Variants in FNBP1 observed in about 807,000 individuals in gnomAD.
FNBP1 encodes the protein formin binding protein 1, also known as formin-binding protein 1.
FNBP1 carries 26 observed loss-of-function variants against 90.6 expected under a neutral mutation model. The observed-to-expected ratio is 0.29, with a 90% CI of 0.21 to 0.40. FNBP1 has a LOEUF of 0.40. FNBP1 is among the 10% of genes least tolerant of loss of function. The pLI is 1.00. For synonymous variants in FNBP1, 260 were observed against 265.2 expected (o/e 0.98, Z 0.19); for missense variants, 635 against 768.0 (o/e 0.83, Z 2.05).
intron 4 of FNBP1, among the ~76,000 whole-genome samples, chr9:129,970,217 A>G (rs1280609847): frequency 7.8e-6 from 1 of 127,606 alleles, no homozygotes; most frequent in East Asian, 2.4e-4. Context: ...TTATTTTATT[A>G]TTTTTTTTAG....
chr9:129,901,231 C>A (rs559995034), intron 13 of FNBP1, among the ~76,000 whole-genome samples: 12 of 152,040 alleles, frequency 7.9e-5, no homozygotes, highest in African/African-American at 2.9e-4. Flanking sequence ...CATGGTGAAA[C>A]GCTGTCTCTA....
chr9:129,933,337 C>T (rs984544642), intron 6 of FNBP1, among the ~76,000 whole-genome samples: 2 of 152,126 alleles, frequency 1.3e-5, no homozygotes, highest in South Asian at 2.1e-4. Flanking sequence ...ATATTTTACC[C>T]ATGAAAGCTG....
chr9:129,985,791 C>A (rs927555630), intron 2 of FNBP1, among the ~76,000 whole-genome samples: 3 of 151,628 alleles, frequency 2.0e-5, no homozygotes, highest in Admixed American at 6.6e-5. Context: ...GGTGAAACCC[C>A]GTCTCTACTA....
chr9:129,961,346 TAGAG>T (rs1339662576), intron 4 of FNBP1, among the ~76,000 whole-genome samples: 4 of 151,840 alleles, frequency 2.6e-5, no homozygotes, highest in African/African-American at 9.7e-5. Flanking sequence ...AACAAACAAG[TAGAG>T]AGACTAATAT....
intron 4 of FNBP1, among the ~76,000 whole-genome samples, chr9:129,971,094 C>T (rs1330056218): frequency 2.6e-5 from 4 of 151,548 alleles, no homozygotes; most frequent in Admixed American, 6.6e-5. Context: ...GGTTTCACCA[C>T]GTTGGTCAGG....
intron 1 of FNBP1, among the ~76,000 whole-genome samples, chr9:130,033,564 A>C (rs1357847546): frequency 1.3e-5 from 2 of 152,202 alleles, no homozygotes; most frequent in Non-Finnish European, 2.9e-5. Context: ...TCGGCCAGGC[A>C]TGGTGGCTCA....
At chr9:129,934,731 C>T (rs1056926212) in intron 6 of FNBP1, among the ~76,000 whole-genome samples, 1 of 152,136 alleles carries the variant, frequency 6.6e-6, no homozygotes, top group East Asian at 1.9e-4. Context: ...GCCACCACGC[C>T]CGGCTAATTT....
chr9:129,893,270 G>A (rs2035286862), intron 16 of FNBP1, among the ~76,000 whole-genome samples: 1 of 151,938 alleles, frequency 6.6e-6, no homozygotes, highest in Admixed American at 6.6e-5. Flanking sequence ...CTGGGGTCGG[G>A]ATGGGTGGCT....
intron 15 of FNBP1, among the ~76,000 whole-genome samples, chr9:129,896,768 A>T (rs2035833675): frequency 6.6e-6 from 1 of 151,910 alleles, no homozygotes; most frequent in South Asian, 2.1e-4. Context: ...AGTAGCTGAG[A>T]TTACAGGCAT....
In FNBP1 at chr9:129,957,710, C is replaced by T. The variant is rs999135952; in HGVS notation, c.409-246G>A. Among the ~76,000 whole-genome samples, 3 of 152,102 alleles carry T rather than the reference C, an allele frequency of 2.0e-5. No individual in the cohort carries two copies. The highest frequency in any genetic ancestry group is 4.4e-5 in the Non-Finnish European group (3 of 68,018). On this transcript the variant is annotated intron_variant, in intron 5 of 16. Transcript: ENST00000446176. The surrounding 1 kb of genome is among the most constrained non-coding windows in gnomAD (Gnocchi z 4.3). ...GTGACTACAGGCATGCACCACCATGCCCAGCTAATTTTTGCATTTTTTTGT... is the reference window on the plus strand; with the variant it reads ...GTGACTACAGGCATGCACCACCATGTCCAGCTAATTTTTGCATTTTTTTGT...
At chr9:130,016,257 A>T (rs2131799104) in intron 1 of FNBP1, among the ~76,000 whole-genome samples, 1 of 152,256 alleles carries the variant, frequency 6.6e-6, no homozygotes, top group African/African-American at 2.4e-5. Flanking sequence ...TGATTAGGTC[A>T]TGAGGGTGGG....
chr9:130,009,215 C>T (rs543900657), intron 1 of FNBP1, among the ~76,000 whole-genome samples: 1 of 152,288 alleles, frequency 6.6e-6, no homozygotes, highest in South Asian at 2.1e-4. Flanking sequence ...TCATTCACTT[C>T]CCACTTTAAG....
intron 1 of FNBP1, among the ~76,000 whole-genome samples, chr9:130,024,260 A>G (rs1298541498): frequency 6.6e-6 from 1 of 151,948 alleles, no homozygotes; most frequent in African/African-American, 2.4e-5. Flanking sequence ...CCCCAAAAAA[A>G]CAGGAAATAA....
Position 129,966,006 on chromosome 9 carries a change from C to T in FNBP1, c.346-7453G>A, listed in dbSNP as rs2048575474. Among the ~76,000 whole-genome samples, 1 of 152,094 alleles carries T rather than the reference C, an allele frequency of 6.6e-6. No homozygotes were observed. Among genetic ancestry groups the T allele is most frequent in the African/African-American group, 2.4e-5 (1 of 41,410 alleles). The stretch of plus-strand genomic sequence containing the variant: ...TAGATAGAGTGCCAGGGTGATCATC[C>T]CATGCTCACTGACATGCCCACTTGT... On this transcript the variant is annotated intron_variant, in intron 4 of 16. Coordinates refer to ENST00000446176, the MANE Select transcript of FNBP1 (RefSeq NM_015033.3). The surrounding 1 kb of genome is among the most constrained non-coding windows in gnomAD (Gnocchi z 4.3).
chr9:130,046,435 A>G (rs1175881148), upstream of FNBP1, among the ~76,000 whole-genome samples: 1 of 152,008 alleles, frequency 6.6e-6, no homozygotes, highest in Non-Finnish European at 1.5e-5. Context: ...TAAACACATA[A>G]AAGTCCCTAG....
chr9:129,891,532 A>G (rs1125962), intron 16 of FNBP1, among the ~76,000 whole-genome samples: 87,248 of 152,052 alleles, frequency 0.57, 25,323 homozygotes, highest in East Asian at 0.78. Flanking sequence ...TGAAGGTCCA[A>G]TTCTCTCAGA....
intron 1 of FNBP1, among the ~76,000 whole-genome samples, chr9:130,000,319 C>T (rs1175126459): frequency 1.3e-5 from 2 of 151,916 alleles, no homozygotes; most frequent in African/African-American, 2.4e-5. Flanking sequence ...GGTGAAACCC[C>T]GTCTTTACTA....
chr9:129,928,191 A>T (rs1310919672), intron 7 of FNBP1, among the ~76,000 whole-genome samples: 2 of 152,236 alleles, frequency 1.3e-5, no homozygotes, highest in Admixed American at 1.3e-4. Context: ...ATCTTTTCTC[A>T]TACCATTTTT....
intron 6 of FNBP1, among the ~76,000 whole-genome samples, chr9:129,948,433 C>T (rs1052153955): frequency 1.5e-4 from 20 of 136,266 alleles, no homozygotes; most frequent in African/African-American, 5.7e-4. Context: ...GGCGTGATCT[C>T]GGCTCACTGC....
Sources: gnomAD v4.1 joint callset for allele counts (sites outside exome capture counted in the v4.1 genomes callset) on GRCh38, gnomAD v4.1.1 for gene constraint, Gnocchi (gnomAD v3.1) non-coding constraint, MANE v1.5 for transcripts, NCBI Gene and HGNC (gene_info 2026-07-23, HGNC 2026-07-21) for gene names.